Variants in CCDC141 observed in about 807,000 individuals in gnomAD.
CCDC141 encodes coiled-coil domain containing 141.
Under a neutral mutation model 181.0 loss-of-function variants are expected in CCDC141, and 168 were observed. The observed-to-expected ratio is 0.93, with a 90% CI of 0.82 to 1.05. CCDC141 has a LOEUF of 1.05. Ranked by LOEUF, CCDC141 falls within the 50% of genes least tolerant of loss-of-function variation. The probability of loss-of-function intolerance (pLI) is 0.00; values close to 1 mark genes in which losing one functional copy is unlikely to be tolerated. For missense variants in CCDC141, 1,902 were observed against 1,788.5 expected (o/e 1.06, Z -1.14); for synonymous variants, 666 against 642.3 (o/e 1.04, Z -0.56).
chr2:178,938,417 C>T (rs1323582723), intron 6 of CCDC141, among the ~76,000 whole-genome samples: 1 of 151,870 alleles, frequency 6.6e-6, no homozygotes, highest in East Asian at 1.9e-4. Context: ...AGTGATTCTC[C>T]TTGTCTTGAC....
chr2:178,937,076 C>T (rs979452206), intron 6 of CCDC141, among the ~76,000 whole-genome samples: 1 of 152,072 alleles, frequency 6.6e-6, no homozygotes, highest in Non-Finnish European at 1.5e-5. Flanking sequence ...TTTGGATGCA[C>T]TTTATTTCTT....
At chr2:178,838,719 G>A (rs964276047) in intron 22 of CCDC141, among the ~76,000 whole-genome samples, 9 of 152,164 alleles carry the variant, frequency 5.9e-5, no homozygotes, top group Non-Finnish European at 1.2e-4. Context: ...TTTCCCAAGA[G>A]AGCACATCAA....
intron 2 of CCDC141, among the ~76,000 whole-genome samples, chr2:179,023,766 T>C (rs902997827): frequency 6.6e-6 from 1 of 152,236 alleles, no homozygotes; most frequent in South Asian, 2.1e-4. Context: ...TGCTAAATGA[T>C]GAGGAAGAGC....
intron 2 of CCDC141, among the ~76,000 whole-genome samples, chr2:178,989,860 C>T (rs1443261521): frequency 7.0e-6 from 1 of 143,510 alleles, no homozygotes; most frequent in Non-Finnish European, 1.5e-5. Flanking sequence ...AAAAAGGAGG[C>T]CGGGCACAGT....
chr2:178,903,113 G>T, intron 8 of CCDC141, among the ~76,000 whole-genome samples: 1 of 150,382 alleles, frequency 6.6e-6, no homozygotes, highest in Non-Finnish European at 1.5e-5. Flanking sequence ...AACAACAGGT[G>T]CTGGAGAGGA....
At chr2:178,881,915 T>TCTCTCACA (rs1465946696) in intron 11 of CCDC141, among the ~76,000 whole-genome samples, 9 of 92,350 alleles carry the variant, frequency 9.7e-5, no homozygotes, top group Admixed American at 2.4e-4. Flanking sequence ...TCTCTCTCTC[T>TCTCTCACA]CACACACACA....
In CCDC141 at chr2:178,837,519, C is replaced by T. The variant is rs374328307; in HGVS notation, c.3700G>A (p.Val1234Met). Residue 1234 changes from valine (V) to methionine (M), a missense_variant, in exon 23 of 24, where the codon GTG becomes ATG. Coordinates refer to ENST00000443758, the MANE Select transcript of CCDC141 (RefSeq NM_173648.4). ...ESPLAPSDME[V>M]EEPVSSSLSL... ...AGGGAGGAGCTGACAGGCTCTTCCACCTCCATGTCAGATGGTGCAAGAGGG... is the reference window on the plus strand; with the variant it reads ...AGGGAGGAGCTGACAGGCTCTTCCATCTCCATGTCAGATGGTGCAAGAGGG... 7 of 1,613,866 alleles carry T rather than the reference C, an allele frequency of 4.3e-6. No homozygotes were observed. The African/African-American group carries it at 8.0e-5, about 18-fold the overall frequency.
In CCDC141 at chr2:178,884,928, G is replaced by GT; in HGVS notation, c.1691dup (p.Tyr564Ter). The stretch of plus-strand genomic sequence containing the variant: ...CCTCTGATGACTTCAGAAATGCCAC[G>GT]TAAGTTTGCAGGACTTGCGATCTAT... ...IDYRSQVLQTYVAFLKSSEEV... is the reference protein window; with the variant it reads ...IDYRSQVLQT Residue 564 changes from tyrosine (Y) to a stop codon, truncating the protein, a stop_gained and frameshift_variant, in exon 11 of 24, where the codon TAC becomes TAAC. Coordinates refer to ENST00000443758, the MANE Select transcript of CCDC141 (RefSeq NM_173648.4). LOFTEE classifies it high-confidence loss of function. The GT allele has an allele frequency of 6.5e-7, 1 of 1,550,240 alleles. No individual in the cohort carries two copies. Among genetic ancestry groups the GT allele is most frequent in the Non-Finnish European group, 8.7e-7 (1 of 1,146,758 alleles).
intron 2 of CCDC141, among the ~76,000 whole-genome samples, chr2:179,040,021 G>C (rs959663206): frequency 6.6e-6 from 1 of 152,126 alleles, no homozygotes; most frequent in African/African-American, 2.4e-5. Context: ...GTTTGTTAGG[G>C]CTGAGTGGCT....
chr2:179,005,747 C>T (rs1213083134), intron 2 of CCDC141, among the ~76,000 whole-genome samples: 3 of 152,112 alleles, frequency 2.0e-5, no homozygotes, highest in Non-Finnish European at 4.4e-5. Flanking sequence ...ATAGCTGGGA[C>T]TATAGGCATG....
chr2:179,038,165 G>A (rs1244574740), intron 2 of CCDC141, among the ~76,000 whole-genome samples: 1 of 152,138 alleles, frequency 6.6e-6, no homozygotes, highest in Non-Finnish European at 1.5e-5. Flanking sequence ...CATTACAATG[G>A]ATTATTATTC....
intron 6 of CCDC141, among the ~76,000 whole-genome samples, chr2:178,937,559 G>A (rs1278446087): frequency 1.3e-5 from 2 of 151,798 alleles, no homozygotes; most frequent in South Asian, 2.1e-4. Context: ...TTCATTTTTT[G>A]TTGTGTCTCT....
At chr2:179,015,141 A>C (rs1211605138) in intron 2 of CCDC141, among the ~76,000 whole-genome samples, 1 of 127,772 alleles carries the variant, frequency 7.8e-6, no homozygotes, top group African/African-American at 2.9e-5. Flanking sequence ...CATATCATAT[A>C]TATCAATATA....
chr2:178,872,301 G>A lies in CCDC141; in HGVS notation c.1911C>T (p.Asn637=), dbSNP rs1385036958. 3.1e-6 allele frequency: 5 copies of A among 1,609,692 alleles called. No individual in the cohort carries two copies. Among genetic ancestry groups the A allele is most frequent in the African/African-American group, 1.3e-5 (1 of 74,568 alleles). Residue 637 remains asparagine (N), a synonymous_variant, in exon 13 of 24, where the codon AAC becomes AAT. Transcript: ENST00000443758. ...FLNLINMAKE[N]EILDVKNEVY... ...CTTCATTTTTCACATCTAATATCTC[G>A]TTCTCTTTTGCCTGTTAAATTAATA...
In CCDC141 at chr2:178,931,141, C is replaced by T. The variant is rs572236494; in HGVS notation, c.898-12234G>A. ...AACTAGCACTTCATGCAGACTATGA[C>T]GACTATAAAAATCAAACAAAATGAA... On this transcript the variant is annotated intron_variant, in intron 6 of 23. Transcript: ENST00000443758. Among the ~76,000 whole-genome samples the T allele has an allele frequency of 4.6e-5, 7 of 151,880 alleles. No individual in the cohort carries two copies. The South Asian group carries it at 6.2e-4, about 14-fold the overall frequency.
At chr2:178,888,163 T>A (rs995500817) in intron 9 of CCDC141, among the ~76,000 whole-genome samples, 2 of 152,294 alleles carry the variant, frequency 1.3e-5, no homozygotes, top group African/African-American at 4.8e-5. Flanking sequence ...ACAGTCCTGG[T>A]GTTGTATGGT....
intron 6 of CCDC141, among the ~76,000 whole-genome samples, chr2:178,943,423 A>C (rs2154377118): frequency 6.6e-6 from 1 of 152,240 alleles, no homozygotes; most frequent in East Asian, 1.9e-4. Flanking sequence ...ACTGAAACAA[A>C]TGTGTCATGA....
chr2:178,838,722 C>T (rs990069647), intron 22 of CCDC141, among the ~76,000 whole-genome samples: 1 of 152,144 alleles, frequency 6.6e-6, no homozygotes, highest in Non-Finnish European at 1.5e-5. Flanking sequence ...CCCAAGAGAG[C>T]ACATCAAGAT....
In CCDC141 at chr2:179,001,047, G is replaced by A. The variant is rs149669873; in HGVS notation, c.226-22372C>T. Among the ~76,000 whole-genome samples the A allele has an allele frequency of 2.9e-3, 435 of 152,240 alleles. 1 individual carries two copies. The highest frequency in any genetic ancestry group is 4.8e-3 in the Non-Finnish European group (327 of 68,032). ...GCCCAGGTCCATTTCAAGCACTGCA[G>A]AGCAGTGTTTCTCAATCTTGAGAAC... On this transcript the variant is annotated intron_variant, in intron 2 of 23. Transcript: ENST00000443758.
Sources: gnomAD v4.1 joint callset for allele counts (sites outside exome capture counted in the v4.1 genomes callset) on GRCh38, gnomAD v4.1.1 for gene constraint, MANE v1.5 for transcripts, NCBI Gene and HGNC (gene_info 2026-07-23, HGNC 2026-07-21) for gene names.